The following PHACTR1 variants were observed in gnomAD, a reference collection of about 807,000 sequenced individuals.
PHACTR1 encodes the protein RPEL repeat containing 1.
PHACTR1 carries 16 observed loss-of-function variants against 69.2 expected under a neutral mutation model. The ratio of observed to expected loss-of-function variants is 0.23; its 90% CI spans 0.16 to 0.35. PHACTR1 has a LOEUF of 0.35. Among genes scored for constraint, PHACTR1 ranks in the 10% least tolerant of loss-of-function variants. The pLI is 1.00. For synonymous variants in PHACTR1, 312 were observed against 284.5 expected (o/e 1.10, Z -0.97); for missense variants, 510 against 734.7 (o/e 0.69, Z 3.54).
intron 4 of PHACTR1, among the ~76,000 whole-genome samples, chr6:12,832,173 C>T (rs1381478912): frequency 2.0e-5 from 3 of 152,102 alleles, no homozygotes; most frequent in African/African-American, 7.2e-5. Context: ...TGATGCTCAT[C>T]TCTATCAGAA....
chr6:12,742,277 G>A (rs532397118), intron 3 of PHACTR1, among the ~76,000 whole-genome samples: 18 of 152,286 alleles, frequency 1.2e-4, no homozygotes, highest in African/African-American at 4.3e-4. Flanking sequence ...GGTTCCCAGA[G>A]CTTAGGGTTC....
chr6:12,738,821 C>T (rs535486397), intron 3 of PHACTR1, among the ~76,000 whole-genome samples: 49 of 152,262 alleles, frequency 3.2e-4, no homozygotes, highest in Middle Eastern at 6.8e-3. Context: ...GCCGAGATCA[C>T]GCCACTGCAC....
At chr6:12,858,765 G>A (rs978781102) in intron 4 of PHACTR1, among the ~76,000 whole-genome samples, 83 of 151,208 alleles carry the variant, frequency 5.5e-4, no homozygotes, top group African/African-American at 2.0e-3. Context: ...CACTGTACTC[G>A]ACTGCTTTTA....
chr6:12,796,579 C>T (rs544221181), intron 4 of PHACTR1, among the ~76,000 whole-genome samples: 38 of 152,246 alleles, frequency 2.5e-4, no homozygotes, highest in Non-Finnish European at 4.4e-4. Flanking sequence ...ATTTTATGGT[C>T]GGATTCCCCA....
chr6:12,722,876 G>A (rs888069407), intron 3 of PHACTR1, among the ~76,000 whole-genome samples: 1 of 152,106 alleles, frequency 6.6e-6, no homozygotes, highest in African/African-American at 2.4e-5. Context: ...GGAGTTCTGC[G>A]GAAGTCCCCT....
intron 5 of PHACTR1, among the ~76,000 whole-genome samples, chr6:13,124,999 C>G (rs1209153627): frequency 6.6e-6 from 1 of 152,156 alleles, no homozygotes; most frequent in Non-Finnish European, 1.5e-5. Context: ...GAACACAGAA[C>G]TTTGTCTCCA....
At chr6:13,119,306 A>G (rs1429272821) in intron 5 of PHACTR1, among the ~76,000 whole-genome samples, 1 of 152,230 alleles carries the variant, frequency 6.6e-6, no homozygotes, top group Non-Finnish European at 1.5e-5. Flanking sequence ...CTTGGAAAAC[A>G]GCATTTGGCT....
At chr6:13,200,584 T>G (rs919112871) in intron 7 of PHACTR1, among the ~76,000 whole-genome samples, 3 of 152,132 alleles carry the variant, frequency 2.0e-5, no homozygotes, top group Non-Finnish European at 4.4e-5. Context: ...AGTGCCCTTT[T>G]GTTCAGAGAA....
At chr6:13,170,679 C>T (rs1413511592) in intron 6 of PHACTR1, among the ~76,000 whole-genome samples, 3 of 152,228 alleles carry the variant, frequency 2.0e-5, no homozygotes, top group African/African-American at 4.8e-5. Context: ...AAGAACAGTA[C>T]TCTTGCAGGA....
At position 13,127,563 on chromosome 6, in the gene PHACTR1, C is replaced by T. The variant is rs548654179; in HGVS notation, c.416-32641C>T. On this transcript the variant is annotated intron_variant, in intron 5 of 14. Coordinates refer to ENST00000332995, the MANE Select transcript of PHACTR1 (RefSeq NM_030948.6). ...CTAGGCTGCGTGACAGAGAGAGACC[C>T]TGTAAAAAAGAAACAAAGGAAAATA... 2.0e-5 allele frequency among the ~76,000 whole-genome samples: 3 copies of T among 152,224 alleles called. No individual in the cohort carries two copies. In the East Asian group the frequency reaches 5.8e-4, roughly 29 times the overall value.
intron 5 of PHACTR1, among the ~76,000 whole-genome samples, chr6:13,080,615 C>T (rs1313580841): frequency 6.6e-6 from 1 of 152,144 alleles, no homozygotes; most frequent in Non-Finnish European, 1.5e-5. Context: ...CTTCTGTGGC[C>T]TGTATTTGCT....
chr6:12,987,738 C>A (rs968752797), intron 4 of PHACTR1, among the ~76,000 whole-genome samples: 1 of 152,230 alleles, frequency 6.6e-6, no homozygotes, highest in South Asian at 2.1e-4. Context: ...AGGAATAGAG[C>A]GGCAGAGGTA....
intron 4 of PHACTR1, among the ~76,000 whole-genome samples, chr6:12,831,410 T>TGA (rs2127728696): frequency 6.6e-6 from 1 of 151,590 alleles, no homozygotes; most frequent in African/African-American, 2.4e-5. Flanking sequence ...AGTTTGCACT[T>TGA]CAGTGACCTA....
chr6:13,281,697 A>G (rs1780282669), intron 12 of PHACTR1: 1 of 157,210 alleles, frequency 6.4e-6, no homozygotes, highest in Admixed American at 6.3e-5. Context: ...GCATGTCTTT[A>G]TGTATTTTAA....
intron 5 of PHACTR1, among the ~76,000 whole-genome samples, chr6:13,142,733 A>T (rs1198107404): frequency 6.6e-6 from 1 of 151,976 alleles, no homozygotes; most frequent in Admixed American, 6.6e-5. Flanking sequence ...TTATTTCTGG[A>T]TTCTCGATTC....
chr6:13,207,855 G>C (rs958282582), intron 8 of PHACTR1, among the ~76,000 whole-genome samples: 4 of 152,072 alleles, frequency 2.6e-5, no homozygotes, highest in Non-Finnish European at 5.9e-5. Context: ...CTAAAAGCGA[G>C]ATGCACAGGC....
At chr6:12,968,302 G>A (rs1258927562) in intron 4 of PHACTR1, among the ~76,000 whole-genome samples, 1 of 151,572 alleles carries the variant, frequency 6.6e-6, no homozygotes, top group Non-Finnish European at 1.5e-5. Flanking sequence ...TTGGAAAACA[G>A]CAGCTTCAAA....
chr6:13,280,944 T>A (rs1402878289), intron 12 of PHACTR1: 1 of 1,288,450 alleles, frequency 7.8e-7, no homozygotes, highest in East Asian at 5.6e-5. Flanking sequence ...CAGAGGAGCG[T>A]CCTGGTGGCC....
chr6:13,054,159 A>G (rs1165838057), intron 5 of PHACTR1, among the ~76,000 whole-genome samples: 2 of 152,238 alleles, frequency 1.3e-5, no homozygotes, highest in Admixed American at 6.5e-5. Context: ...TGCTGGTTAT[A>G]TGATCTTGCT....
Sources: gnomAD v4.1 joint callset for allele counts (sites outside exome capture counted in the v4.1 genomes callset) on GRCh38, gnomAD v4.1.1 for gene constraint, MANE v1.5 for transcripts, NCBI Gene and HGNC (gene_info 2026-07-23, HGNC 2026-07-21) for gene names.